PTPRM: variants seen among roughly 807,000 people sequenced by gnomAD.
PTPRM encodes protein tyrosine phosphatase receptor type M, also known as receptor-type tyrosine-protein phosphatase mu.
A neutral mutation model predicts 186.7 loss-of-function variants in PTPRM; 47 were observed. The observed-to-expected ratio is 0.25, with a 90% confidence interval of 0.20 to 0.32. The LOEUF (loss-of-function observed/expected upper bound fraction) is 0.32, where lower values mean the gene tolerates loss of function less well. Ranked by LOEUF, PTPRM falls within the 10% of genes least tolerant of loss-of-function variation. PTPRM has a pLI of 1.00. For synonymous variants in PTPRM, 668 were observed against 674.9 expected (o/e 0.99, Z 0.16); for missense variants, 1,494 against 1,865.0 (o/e 0.80, Z 3.66).
chr18:7,829,723 G>A (rs2045664285), intron 2 of PTPRM, among the ~76,000 whole-genome samples: 1 of 152,094 alleles, frequency 6.6e-6, no homozygotes, highest in Non-Finnish European at 1.5e-5. Flanking sequence ...CTTTCATGTG[G>A]TACTTCCAAA....
At chr18:8,242,704 T>G (rs1291602488) in intron 14 of PTPRM, among the ~76,000 whole-genome samples, 1 of 152,260 alleles carries the variant, frequency 6.6e-6, no homozygotes, top group Non-Finnish European at 1.5e-5. Flanking sequence ...CTTCAAAGTA[T>G]GAAATTAAAA....
chr18:8,006,705 A>G (rs1223162894), intron 7 of PTPRM, among the ~76,000 whole-genome samples: 1 of 152,208 alleles, frequency 6.6e-6, no homozygotes, highest in Admixed American at 6.5e-5. Context: ...GGTCCCTGAC[A>G]CTGAAGCACC....
intron 1 of PTPRM, among the ~76,000 whole-genome samples, chr18:7,720,251 C>T (rs1310546494): frequency 6.6e-6 from 1 of 152,000 alleles, no homozygotes; most frequent in Non-Finnish European, 1.5e-5. Flanking sequence ...AATAAACGTA[C>T]AAAAATAGGA....
intron 11 of PTPRM, among the ~76,000 whole-genome samples, chr18:8,089,524 T>C (rs537919102): frequency 1.6e-4 from 24 of 152,302 alleles, no homozygotes; most frequent in Admixed American, 3.3e-4. Context: ...TATCAACTTG[T>C]CATAAACTCA....
chr18:7,866,963 A>T (rs1567940237), intron 2 of PTPRM, among the ~76,000 whole-genome samples: 3 of 151,574 alleles, frequency 2.0e-5, no homozygotes, highest in Admixed American at 1.3e-4. Context: ...GTCTCTTTTG[A>T]TCTTTGTTGG....
At chr18:7,921,446 C>A (rs2050860738) in intron 4 of PTPRM, among the ~76,000 whole-genome samples, 1 of 150,220 alleles carries the variant, frequency 6.7e-6, no homozygotes, top group African/African-American at 2.5e-5. Flanking sequence ...AGTGGCGCAA[C>A]CTTGGCTCAC....
At chr18:8,089,877 C>A (rs936202877) in intron 11 of PTPRM, among the ~76,000 whole-genome samples, 3 of 152,032 alleles carry the variant, frequency 2.0e-5, no homozygotes, top group Admixed American at 1.3e-4. Context: ...TTAGTGAAGT[C>A]AGATTAGGGA....
At chr18:8,146,030 T>C (rs1163450356) in intron 14 of PTPRM, among the ~76,000 whole-genome samples, 10 of 148,742 alleles carry the variant, frequency 6.7e-5, no homozygotes, top group South Asian at 2.1e-4. Flanking sequence ...CTTTTCTTTT[T>C]TTTTTTTTTT....
chr18:8,068,534 A>G (rs978029858), intron 7 of PTPRM, among the ~76,000 whole-genome samples: 1 of 152,178 alleles, frequency 6.6e-6, no homozygotes, highest in Non-Finnish European at 1.5e-5. Context: ...TATTCTCTCC[A>G]TGTCATTTAG....
chr18:8,295,632 C>G (rs927561556), intron 19 of PTPRM, among the ~76,000 whole-genome samples: 1 of 152,184 alleles, frequency 6.6e-6, no homozygotes, highest in Non-Finnish European at 1.5e-5. Flanking sequence ...CACTTCCATC[C>G]TTTTCCCATA....
At chr18:7,837,029 C>T (rs149734698) in intron 2 of PTPRM, among the ~76,000 whole-genome samples, 2 of 152,240 alleles carry the variant, frequency 1.3e-5, no homozygotes, top group African/African-American at 4.8e-5. Flanking sequence ...ATATCTTTCT[C>T]TAAGTTTGAG....
intron 14 of PTPRM, among the ~76,000 whole-genome samples, chr18:8,237,915 T>G (rs2094365188): frequency 6.6e-6 from 1 of 152,062 alleles, no homozygotes; most frequent in Non-Finnish European, 1.5e-5. Context: ...TGCAATGTAA[T>G]TCTTATCCTC....
chr18:7,838,164 T>G (rs2145804284), intron 2 of PTPRM, among the ~76,000 whole-genome samples: 1 of 152,178 alleles, frequency 6.6e-6, no homozygotes, highest in Non-Finnish European at 1.5e-5. Context: ...AACTTACAGT[T>G]ATGGTGGAAG....
intron 14 of PTPRM, among the ~76,000 whole-genome samples, chr18:8,165,800 G>C (rs1241021912): frequency 6.6e-6 from 1 of 152,174 alleles, no homozygotes; most frequent in African/African-American, 2.4e-5. Context: ...GAAGCTTATA[G>C]TGCTTCAAAT....
rs1567958347 is a variant in PTPRM at position 7,568,024 on chromosome 18, C to A, written c.73+133C>A. On this transcript the variant is annotated intron_variant, in intron 1 of 32. Transcript: ENST00000580170. This position sits in a 1 kb window ranked among gnomAD's most constrained non-coding sequence, Gnocchi z 5.1. ...GGCGGGGGGCGCGGCGGGCCGGACA[C>A]CGCTTCTGCCTGTGAGCCGGGCGCT... The A allele has an allele frequency of 1.2e-6, 1 of 816,622 alleles. No individual in the cohort carries two copies. The highest frequency in any genetic ancestry group is 1.7e-6 in the Non-Finnish European group (1 of 594,748). The allele number at this position is 816,622 out of a possible 1,614,324, so 50.6% of individuals were successfully genotyped here.
Position 8,164,436 on chromosome 18 carries a change from A to G in PTPRM, c.2300+20657A>G, listed in dbSNP as rs2146374525. Among the ~76,000 whole-genome samples the G allele has an allele frequency of 1.3e-5, 2 of 152,366 alleles. 1 individual carries two copies. The highest frequency in any genetic ancestry group is 4.1e-4 in the South Asian group (2 of 4,832). On this transcript the variant is annotated intron_variant, in intron 14 of 32. Transcript: ENST00000580170. ...GTATTATTCATGATAGCTGAAAGTTAGAAGCAACCAAGTGTCCTTTGACAG... is the reference window on the plus strand; with the variant it reads ...GTATTATTCATGATAGCTGAAAGTTGGAAGCAACCAAGTGTCCTTTGACAG...
At chr18:8,070,040 A>G in intron 8 of PTPRM, 46 bp downstream of exon 8, 1 of 1,526,382 alleles carries the variant, frequency 6.6e-7, no homozygotes, top group African/African-American at 1.4e-5. Context: ...TGTTCTTTCA[A>G]AAAACAACTT....
At chr18:7,828,412 C>T (rs1460513514) in intron 2 of PTPRM, among the ~76,000 whole-genome samples, 1 of 151,976 alleles carries the variant, frequency 6.6e-6, no homozygotes, top group Non-Finnish European at 1.5e-5. Flanking sequence ...CCGCTTCCCC[C>T]CACCCCACAA....
chr18:7,581,879 C>T (rs1304743257), intron 1 of PTPRM, among the ~76,000 whole-genome samples: 2 of 152,054 alleles, frequency 1.3e-5, no homozygotes, highest in African/African-American at 4.8e-5. Flanking sequence ...AGACTAGTCT[C>T]AAGCTCCTCG....
Sources: allele counts gnomAD v4.1 joint callset (sites outside exome capture counted in the v4.1 genomes callset), GRCh38; gene constraint gnomAD v4.1.1; non-coding constraint Gnocchi (gnomAD v3.1); transcripts MANE v1.5; gene names NCBI Gene and HGNC (gene_info 2026-07-23, HGNC 2026-07-21).